The following ADAM23 variants were observed in gnomAD, a reference collection of about 807,000 sequenced individuals.
ADAM23 encodes the protein disintegrin and metalloproteinase domain-containing protein 23.
In ADAM23, 33 loss-of-function variants were observed where a neutral mutation model predicts 120.1. The observed-to-expected ratio is 0.27, with a 90% CI of 0.21 to 0.37. The LOEUF (loss-of-function observed/expected upper bound fraction) is 0.37, where lower values mean the gene tolerates loss of function less well. ADAM23 is among the 10% of genes least tolerant of loss of function. The probability of loss-of-function intolerance (pLI) is 1.00; values close to 1 mark genes in which losing one functional copy is unlikely to be tolerated. For missense variants in ADAM23, 862 were observed against 1,058.2 expected, an observed-to-expected ratio of 0.81 and a Z score of 2.57; for synonymous variants, 367 against 375.2, an observed-to-expected ratio of 0.98 and a Z score of 0.25.
At chr2:206,447,915 G>A (rs1382674081) in intron 2 of ADAM23, among the ~76,000 whole-genome samples, 2 of 152,170 alleles carry the variant, frequency 1.3e-5, no homozygotes, top group Non-Finnish European at 2.9e-5. Flanking sequence ...CCACATTTAT[G>A]TCTGAAGAAA....
chr2:206,567,212 T>C lies in ADAM23; in HGVS notation c.1395-11T>C. On this transcript the variant is annotated splice_polypyrimidine_tract_variant and intron_variant, in intron 14 of 25. Coordinates refer to ENST00000264377, the MANE Select transcript of ADAM23 (RefSeq NM_003812.4). ...TAAATTATTTACATAGTTGATTCTT[T>C]GTTTCCTCAGGGTGTCCCATTCTCG... The C allele has an allele frequency of 1.3e-6, 2 of 1,591,622 alleles. No homozygotes were observed. Among genetic ancestry groups the C allele is most frequent in the Non-Finnish European group, 1.7e-6 (2 of 1,162,096 alleles).
chr2:206,573,446 A>G (rs1698045506), intron 18 of ADAM23, among the ~76,000 whole-genome samples: 1 of 152,176 alleles, frequency 6.6e-6, no homozygotes, highest in Non-Finnish European at 1.5e-5. Flanking sequence ...TTGTGCATTA[A>G]ACAAAGTTTC....
rs1191029443 is a variant in ADAM23 at position 206,569,998 on chromosome 2, C to G, written c.1495-742C>G. 2.0e-5 allele frequency among the ~76,000 whole-genome samples: 3 copies of G among 152,084 alleles called. 1 individual carries two copies. Among genetic ancestry groups the G allele is most frequent in the African/African-American group, 7.2e-5 (3 of 41,390 alleles). ...TTATGCCCAGAGAAATCCTGCCCCCCTCCCCACTGCCCCTGGAATGGGAAG... is the reference window on the plus strand; with the variant it reads ...TTATGCCCAGAGAAATCCTGCCCCCGTCCCCACTGCCCCTGGAATGGGAAG... On this transcript the variant is annotated intron_variant, in intron 15 of 25. Coordinates refer to ENST00000264377, the MANE Select transcript of ADAM23 (RefSeq NM_003812.4).
At chr2:206,607,636 C>T (rs1698752457) in intron 24 of ADAM23, among the ~76,000 whole-genome samples, 1 of 152,106 alleles carries the variant, frequency 6.6e-6, no homozygotes, top group Admixed American at 6.5e-5. Context: ...CTAATTGTGA[C>T]AGGTAAGTCT....
intron 25 of ADAM23, among the ~76,000 whole-genome samples, chr2:206,613,472 G>A (rs937340883): frequency 4.6e-5 from 7 of 152,164 alleles, no homozygotes; most frequent in East Asian, 1.9e-4. Context: ...TGTGAAAAAC[G>A]AACATAGGCA....
intron 10 of ADAM23, among the ~76,000 whole-genome samples, chr2:206,559,375 G>A (rs1419507583): frequency 6.6e-6 from 1 of 152,194 alleles, no homozygotes; most frequent in Non-Finnish European, 1.5e-5. Context: ...TAAATATTGT[G>A]GGTGATGCCA....
chr2:206,460,807 A>T (rs1393442984), intron 2 of ADAM23, among the ~76,000 whole-genome samples: 2 of 152,196 alleles, frequency 1.3e-5, no homozygotes, highest in African/African-American at 2.4e-5. Flanking sequence ...TCAAGAAATC[A>T]TTGCCAAATC....
intron 2 of ADAM23, among the ~76,000 whole-genome samples, chr2:206,447,482 G>A (rs547528333): frequency 2.0e-5 from 3 of 152,292 alleles, no homozygotes; most frequent in East Asian, 1.9e-4. Flanking sequence ...AAGTGCTCCC[G>A]TACAGGTATA....
chr2:206,521,151 A>T (rs895545439), intron 3 of ADAM23, among the ~76,000 whole-genome samples: 2 of 152,110 alleles, frequency 1.3e-5, no homozygotes, highest in African/African-American at 4.8e-5. Flanking sequence ...TTTGTTATTT[A>T]TGGTAGTAGG....
rs767681496 is a variant in ADAM23 at position 206,609,862 on chromosome 2, G to A, written c.2360-48G>A. ...TTAACTGCCTTTCCCTTGTGGTAAC[G>A]AAAGTGGTTGGTTCATATGACTCTC... is the stretch of plus-strand genomic sequence containing the variant. On this transcript the variant is annotated intron_variant, in intron 24 of 25. Transcript: ENST00000264377. 9.3e-6 allele frequency: 14 copies of A among 1,506,082 alleles called. No homozygotes were observed. In the East Asian group the frequency reaches 2.9e-4, roughly 32 times the overall value. The allele number at this position is 1,506,082 out of a possible 1,614,324, so 93.3% of individuals were successfully genotyped here. A position where few individuals can be genotyped will look rare whatever the true frequency, so the allele number is the denominator to read the frequency against.
At chr2:206,494,514 C>A (rs753151288) in intron 3 of ADAM23, among the ~76,000 whole-genome samples, 1 of 152,120 alleles carries the variant, frequency 6.6e-6, no homozygotes, top group Non-Finnish European at 1.5e-5. Context: ...GAAAGCTATA[C>A]AGAGGAGGAG....
intron 25 of ADAM23, among the ~76,000 whole-genome samples, chr2:206,614,605 C>A (rs567571258): frequency 4.6e-5 from 7 of 151,920 alleles, no homozygotes; most frequent in African/African-American, 1.7e-4. Context: ...TGAGCCGAGA[C>A]TGCGCCATTG....
At chr2:206,445,907 A>G (rs1464800327) in intron 2 of ADAM23, among the ~76,000 whole-genome samples, 2 of 152,232 alleles carry the variant, frequency 1.3e-5, no homozygotes, top group African/African-American at 2.4e-5. Flanking sequence ...ACTGCTTTCA[A>G]TCTGCACATG....
Position 206,557,447 on chromosome 2 carries a change from T to C in ADAM23, c.954T>C (p.Ser318=). 6.2e-7 allele frequency: 1 copy of C among 1,613,796 alleles called. No homozygotes were observed. The highest frequency in any genetic ancestry group is 1.1e-5 in the South Asian group (1 of 91,066). The part of the protein sequence containing the change: ...DHKTYKKHRS[S]HAHTNNFAKS... Reference sequence around the variant, plus strand: ...CCTAGTATAAGAAGCATCGCTCTTCTCATGCACATACCAACAACTTTGCAA... The same window carrying C: ...CCTAGTATAAGAAGCATCGCTCTTCCCATGCACATACCAACAACTTTGCAA... Residue 318 remains serine (S), a synonymous_variant, in exon 10 of 26, where the codon TCT becomes TCC. Coordinates refer to ENST00000264377, the MANE Select transcript of ADAM23 (RefSeq NM_003812.4).
At chr2:206,466,472 AG>A (rs1695543965) in intron 2 of ADAM23, among the ~76,000 whole-genome samples, 1 of 152,188 alleles carries the variant, frequency 6.6e-6, no homozygotes, top group African/African-American at 2.4e-5. Flanking sequence ...CTGTTATCTT[AG>A]GTTTCTCATT....
intron 10 of ADAM23, among the ~76,000 whole-genome samples, chr2:206,559,169 C>T (rs1488326689): frequency 1.3e-5 from 2 of 152,186 alleles, no homozygotes; most frequent in African/African-American, 4.8e-5. Flanking sequence ...TGGTCTTGAT[C>T]TCCTGACCCT....
intron 9 of ADAM23, 38 bp downstream of exon 9, chr2:206,550,198 CT>C: frequency 7.8e-7 from 1 of 1,280,558 alleles, no homozygotes; most frequent in Non-Finnish European, 1.1e-6. Flanking sequence ...GAACAGATAG[CT>C]TACTTAAGAA....
intron 25 of ADAM23, among the ~76,000 whole-genome samples, chr2:206,611,149 T>G (rs954588818): frequency 4.6e-5 from 7 of 152,256 alleles, no homozygotes; most frequent in Non-Finnish European, 1.0e-4. Flanking sequence ...TAATTTGTTA[T>G]CATATTAAGA....
At chr2:206,598,460 TTTTGC>T (rs1193417397) in intron 24 of ADAM23, among the ~76,000 whole-genome samples, 1 of 152,204 alleles carries the variant, frequency 6.6e-6, no homozygotes, top group Non-Finnish European at 1.5e-5. Context: ...TTTTGTTTTG[TTTTGC>T]TTTACTCTCT....
Sources: allele counts gnomAD v4.1 joint callset (sites outside exome capture counted in the v4.1 genomes callset), GRCh38; gene constraint gnomAD v4.1.1; transcripts MANE v1.5; gene names NCBI Gene and HGNC (gene_info 2026-07-23, HGNC 2026-07-21).